MAP3K11: variants seen among roughly 807,000 people sequenced by gnomAD.
MAP3K11 encodes the protein SH3 domain-containing proline-rich kinase.
In MAP3K11, 46 loss-of-function variants were observed where a neutral mutation model predicts 84.9. The observed-to-expected ratio is 0.54, with a 90% CI of 0.43 to 0.69. The LOEUF is 0.69. MAP3K11 is among the 30% of genes least tolerant of loss of function. The probability of loss-of-function intolerance (pLI) is 0.00; values close to 1 mark genes in which losing one functional copy is unlikely to be tolerated. For missense variants in MAP3K11, 1,053 were observed against 1,198.3 expected (o/e 0.88, Z 1.79); for synonymous variants, 527 against 514.7 (o/e 1.02, Z -0.32).
At chr11:65,599,355 T>A in intron 9 of MAP3K11, 39 bp downstream of exon 9, 1 of 1,515,778 alleles carries the variant, frequency 6.6e-7, no homozygotes, top group Non-Finnish European at 8.8e-7. Context: ...GGAACCCCCG[T>A]CTCCCATATG....
At chr11:65,599,256 C>G in intron 9 of MAP3K11, 138 bp downstream of exon 9, 1 of 1,081,516 alleles carries the variant, frequency 9.2e-7, no homozygotes, top group Non-Finnish European at 1.3e-6. Flanking sequence ...GTCTTCAGTA[C>G]CCCGAATGCC....
At position 65,613,557 on chromosome 11, in the gene MAP3K11, C is replaced by T. The variant is rs748790856; in HGVS notation, c.200G>A (p.Arg67His). ...TGCGTCCCGGGACAGCACCTCCACA[C>T]GGTCACCCTTCCTCAGGGCCAGCTC... ...QDELALRKGD[R>H]VEVLSRDAAI... Residue 67 changes from arginine to histidine, a missense_variant, in exon 1 of 10, where the codon CGT becomes CAT. Coordinates refer to ENST00000309100, the MANE Select transcript of MAP3K11 (RefSeq NM_002419.4). The T allele has an allele frequency of 8.7e-6, 14 of 1,611,894 alleles. No homozygotes were observed. Among genetic ancestry groups the T allele is most frequent in the Admixed American group, 6.7e-5 (4 of 59,956 alleles).
At position 65,613,319 on chromosome 11, in the gene MAP3K11, AGCT is replaced by A; in HGVS notation, c.435_437del (p.Ala146del). On this transcript the variant is annotated inframe_deletion, in exon 1 of 10. Coordinates refer to ENST00000309100, the MANE Select transcript of MAP3K11 (RefSeq NM_002419.4). Reference sequence around the variant, plus strand: ...TGATGTCCTCATCGGGGTCCTGGCGAGCTGCCTTCACAGCCACCAGCTCACCTC... The same window carrying A: ...TGATGTCCTCATCGGGGTCCTGGCGAGCCTTCACAGCCACCAGCTCACCTC... The A allele has an allele frequency of 6.2e-7, 1 of 1,613,084 alleles. No homozygotes were observed. Among genetic ancestry groups the A allele is most frequent in the South Asian group, 1.1e-5 (1 of 91,084 alleles).
Position 65,613,981 on chromosome 11 carries a change from GT to G in MAP3K11, c.-226del. 25 of 566,342 alleles carry G rather than the reference GT, an allele frequency of 4.4e-5. No homozygotes were observed. Among genetic ancestry groups the G allele is most frequent in the Admixed American group, 3.7e-5 (1 of 27,370 alleles). The allele number at this position is 566,342 out of a possible 1,614,324, so 35.1% of individuals were successfully genotyped here. A position where few individuals can be genotyped will look rare whatever the true frequency, so the allele number is the denominator to read the frequency against. On this transcript the variant is annotated 5_prime_UTR_variant, in exon 1 of 10. The change abolishes the stop of an existing upstream ORF in the 5' untranslated region. Transcript: ENST00000309100. ...AGGGCAGTGTGGTCAGGCCGGGGGG[GT>G]GGGGCCCCGGGGCCTCCGGCGCCTC...
chr11:65,604,102 T>G (rs1279440799), intron 8 of MAP3K11, among the ~76,000 whole-genome samples: 1 of 152,276 alleles, frequency 6.6e-6, no homozygotes, highest in South Asian at 2.1e-4. Context: ...AGAATTTCTT[T>G]GGGTTGAATT....
intron 8 of MAP3K11, 78 bp downstream of exon 8, chr11:65,605,683 A>T (rs1854498526): frequency 2.0e-6 from 2 of 1,021,746 alleles, no homozygotes; most frequent in Non-Finnish European, 2.9e-6. Context: ...TGCTTTGCCT[A>T]CTAGCCTATT....
chr11:65,605,712 C>G (rs757844751), intron 8 of MAP3K11, 49 bp downstream of exon 8: 9 of 1,444,642 alleles, frequency 6.2e-6, no homozygotes, highest in Non-Finnish European at 7.6e-6. Flanking sequence ...CCCAAGGTGC[C>G]CACGGAAGGA....
intron 8 of MAP3K11, 50 bp downstream of exon 8, chr11:65,605,711 C>T: frequency 1.4e-6 from 2 of 1,421,454 alleles, no homozygotes; most frequent in South Asian, 1.2e-5. Context: ...CCCCAAGGTG[C>T]CCACGGAAGG....
chr11:65,602,456 G>C (rs996744879), intron 8 of MAP3K11, among the ~76,000 whole-genome samples: 1 of 152,086 alleles, frequency 6.6e-6, no homozygotes, highest in Non-Finnish European at 1.5e-5. Context: ...GACCAGCCTG[G>C]TCAACATGGT....
chr11:65,605,914 A>G, intron 7 of MAP3K11, 32 bp downstream of exon 7: 1 of 1,610,108 alleles, frequency 6.2e-7, no homozygotes, highest in Non-Finnish European at 8.5e-7. Flanking sequence ...AAAGCAAATG[A>G]TGCTGGGTCT....
Position 65,608,060 on chromosome 11 carries a change from G to T in MAP3K11, c.931C>A (p.Leu311Met). The T allele has an allele frequency of 6.2e-7, 1 of 1,614,122 alleles. No homozygotes were observed. Reference sequence around the variant, plus strand: ...TCCCCGGTCAGCAGTTCCCACAGCAGCACCCCAAAACTGTGGGCGAGACAA... The same window carrying T: ...TCCCCGGTCAGCAGTTCCCACAGCATCACCCCAAAACTGTGGGCGAGACAA... Reference protein sequence around the residue: ...KGSDVWSFGVLLWELLTGEVP... With the variant: ...KGSDVWSFGVMLWELLTGEVP... The change falls in exon 3 of 10, where the codon CTG becomes ATG. Residue 311 changes from leucine to methionine, a missense_variant. Leu to Met is a conservative substitution (Grantham distance 15, BLOSUM62 2). Around this residue, in one of 3 missense-constraint regions of MAP3K11, gnomAD observed 310 missense variants for 464.5 expected, o/e 0.67. Transcript: ENST00000309100.
intron 8 of MAP3K11, among the ~76,000 whole-genome samples, chr11:65,603,140 G>A (rs1854472815): frequency 6.6e-6 from 1 of 152,156 alleles, no homozygotes; most frequent in Non-Finnish European, 1.5e-5. Flanking sequence ...AAAGGGAAGA[G>A]AAGATAGGGT....
rs1854522762 is a variant in MAP3K11, at chr11:65,607,345, G to A, written c.1414C>T (p.Arg472Cys). 4 of 1,503,584 alleles carry A rather than the reference G, an allele frequency of 2.7e-6. No homozygotes were observed. Among genetic ancestry groups the A allele is most frequent in the Non-Finnish European group, 3.5e-6 (4 of 1,135,292 alleles). The allele number at this position is 1,503,584 out of a possible 1,614,324, so 93.1% of individuals were successfully genotyped here. A position where few individuals can be genotyped will look rare whatever the true frequency, so the allele number is the denominator to read the frequency against. Residue 472 changes from arginine to cysteine, a missense_variant, in exon 5 of 10, where the codon CGC becomes TGC. Physicochemically the swap from Arg to Cys is radical, Grantham distance 180. Around this residue, in one of 3 missense-constraint regions of MAP3K11, gnomAD observed 583 missense variants for 566.6 expected, o/e 1.03. Coordinates refer to ENST00000309100, the MANE Select transcript of MAP3K11 (RefSeq NM_002419.4). ...QQVDRERPHV[R>C]RRRGTFKRSK... ...CGCTTGAATGTCCCGCGGCGGCGGC[G>A]CACGTGCGGTCGCTCGCGGTCCACC...
At chr11:65,606,127 C>G in intron 6 of MAP3K11, 46 bp from the exon 7 acceptor site, 2 of 1,530,114 alleles carry the variant, frequency 1.3e-6, no homozygotes, top group Non-Finnish European at 1.7e-6. Context: ...TATTCTCCCT[C>G]CATCATCACA....
chr11:65,607,057 C>G (rs902216449), intron 5 of MAP3K11: 33 of 755,044 alleles, frequency 4.4e-5, no homozygotes, highest in South Asian at 6.3e-5. Context: ...TGAACCCCAC[C>G]CCTTCCCACT....
rs545689223 is a variant in MAP3K11 at position 65,605,702 on chromosome 11, C to A, written c.1831+59G>T. 2.5e-5 allele frequency: 34 copies of A among 1,357,638 alleles called. 1 individual carries two copies. In the African/African-American group the frequency reaches 4.1e-4, roughly 16 times the overall value. The allele number at this position is 1,357,638 out of a possible 1,614,324, so 84.1% of individuals were successfully genotyped here. On this transcript the variant is annotated intron_variant, in intron 8 of 9. Coordinates refer to ENST00000309100, the MANE Select transcript of MAP3K11 (RefSeq NM_002419.4). Reference sequence around the variant, plus strand: ...TTGCCTACTAGCCTATTGTGGCCTCCCCAAGGTGCCCACGGAAGGAGCTCA... The same window carrying A: ...TTGCCTACTAGCCTATTGTGGCCTCACCAAGGTGCCCACGGAAGGAGCTCA...
At chr11:65,603,317 G>A (rs1320759738) in intron 8 of MAP3K11, among the ~76,000 whole-genome samples, 1 of 152,258 alleles carries the variant, frequency 6.6e-6, no homozygotes, top group Admixed American at 6.5e-5. Context: ...GGAGAAAGCT[G>A]CGTGACTATT....
In MAP3K11 at chr11:65,598,175, G is replaced by T; in HGVS notation, c.*116C>A. 2 of 873,426 alleles carry T rather than the reference G, an allele frequency of 2.3e-6. No individual in the cohort carries two copies. The highest frequency in any genetic ancestry group is 1.7e-5 in the African/African-American group (1 of 58,306). 54.1% of individuals were successfully genotyped at this position (873,426 alleles called of 1,614,324 possible). On this transcript the variant is annotated 3_prime_UTR_variant, in exon 10 of 10. Coordinates refer to ENST00000309100, the MANE Select transcript of MAP3K11 (RefSeq NM_002419.4). ...GTGTAGTGTTCCTGACCCCCAAAGG[G>T]GGGTGGGGTCCCTGGGGAAACTGAG...
In MAP3K11 at chr11:65,613,413, T is replaced by C; in HGVS notation, c.344A>G (p.Gln115Arg). 6.2e-7 allele frequency: 1 copy of C among 1,612,792 alleles called. No individual in the cohort carries two copies. The highest frequency in any genetic ancestry group is 8.5e-7 in the Non-Finnish European group (1 of 1,179,832). The stretch of plus-strand genomic sequence containing the variant: ...GATCACCTCCTCCAGCCGCAGCTCC[T>C]GGAAGCTGGCCACCTCGCAGGGGGG... The part of the protein sequence containing the change: ...GPPPCEVASF[Q>R]ELRLEEVIGI... Residue 115 changes from glutamine to arginine, a missense_variant, in exon 1 of 10, where the codon CAG becomes CGG. Physicochemically the swap from Gln to Arg is conservative, Grantham distance 43. Transcript: ENST00000309100.
Sources: gnomAD v4.1 joint callset for allele counts (sites outside exome capture counted in the v4.1 genomes callset) on GRCh38, gnomAD v4.1.1 for gene constraint, gnomAD v4.1.1 regional missense constraint, MANE v1.5 for transcripts, NCBI Gene and HGNC (gene_info 2026-07-23, HGNC 2026-07-21) for gene names.